The following TMEM117 variants were observed in gnomAD, a reference collection of about 807,000 sequenced individuals.
The protein encoded by TMEM117 is transmembrane protein 117.
A neutral mutation model predicts 52.4 loss-of-function variants in TMEM117; 27 were observed. The observed-to-expected ratio is 0.51, with a 90% CI of 0.38 to 0.71. The LOEUF is 0.71. Ranked by LOEUF, TMEM117 falls within the 30% of genes least tolerant of loss-of-function variation. The pLI is 0.00. For missense variants in TMEM117, 556 were observed against 630.5 expected, an observed-to-expected ratio of 0.88 and a Z score of 1.26; for synonymous variants, 215 against 206.3, an observed-to-expected ratio of 1.04 and a Z score of -0.36.
intron 1 of TMEM117, among the ~76,000 whole-genome samples, chr12:43,840,308 T>C (rs563876055): frequency 6.6e-6 from 1 of 152,350 alleles, no homozygotes; most frequent in African/African-American, 2.4e-5. Flanking sequence ...ATTTTCTTCA[T>C]TGGGTTGCTA....
At chr12:43,887,148 C>T (rs926223699) in intron 2 of TMEM117, among the ~76,000 whole-genome samples, 2 of 152,152 alleles carry the variant, frequency 1.3e-5, no homozygotes, top group South Asian at 2.1e-4. Context: ...CGTGCCTGGC[C>T]TGGGCCTCAC....
At chr12:43,956,295 G>A (rs555894710) in intron 3 of TMEM117, among the ~76,000 whole-genome samples, 130 of 152,050 alleles carry the variant, frequency 8.5e-4, no homozygotes, top group African/African-American at 2.9e-3. Context: ...GACAAATGGC[G>A]TCTAATTAAA....
intron 4 of TMEM117, among the ~76,000 whole-genome samples, chr12:44,201,622 A>G (rs1460681052): frequency 6.6e-6 from 1 of 152,198 alleles, no homozygotes; most frequent in East Asian, 1.9e-4. Context: ...AAATAATTTC[A>G]GGTTCAGTTT....
intron 5 of TMEM117, among the ~76,000 whole-genome samples, chr12:44,235,675 C>A (rs1949987294): frequency 6.6e-6 from 1 of 151,616 alleles, no homozygotes; most frequent in Non-Finnish European, 1.5e-5. Flanking sequence ...CATCCATTAA[C>A]TTGTCTCTGG....
At chr12:43,848,208 C>T (rs1384791757) in intron 2 of TMEM117, among the ~76,000 whole-genome samples, 1 of 152,124 alleles carries the variant, frequency 6.6e-6, no homozygotes, top group Non-Finnish European at 1.5e-5. Context: ...TTCAGCAGTG[C>T]ATGTATTGTC....
chr12:44,276,021 T>C (rs530499752), intron 5 of TMEM117, among the ~76,000 whole-genome samples: 1 of 152,324 alleles, frequency 6.6e-6, no homozygotes, highest in South Asian at 2.1e-4. Flanking sequence ...GTGATTATTA[T>C]GCATTGCATG....
chr12:44,386,772 T>C (rs1952093968), intron 7 of TMEM117, among the ~76,000 whole-genome samples: 1 of 152,070 alleles, frequency 6.6e-6, no homozygotes, highest in Non-Finnish European at 1.5e-5. Flanking sequence ...GCTAGTAATT[T>C]TGGAGCCAGG....
intron 2 of TMEM117, among the ~76,000 whole-genome samples, chr12:43,943,118 TG>T (rs1945071555): frequency 7.4e-6 from 1 of 135,352 alleles, no homozygotes; most frequent in African/African-American, 2.8e-5. Context: ...GCGGAAGTTG[TG>T]GTGAGCTGAG....
At chr12:44,272,976 G>A (rs1950465365) in intron 5 of TMEM117, among the ~76,000 whole-genome samples, 1 of 152,178 alleles carries the variant, frequency 6.6e-6, no homozygotes, top group Non-Finnish European at 1.5e-5. Context: ...CAACCCAAAT[G>A]TCCAACAATG....
the TMEM117 span, among the ~76,000 whole-genome samples, chr12:43,826,570 A>G: frequency 1.3e-5 from 2 of 152,222 alleles, no homozygotes; most frequent in African/African-American, 2.4e-5. Context: ...ATTGGAAGCT[A>G]TTTAACATAT....
At chr12:43,826,473 C>G in the TMEM117 span, among the ~76,000 whole-genome samples, 1 of 152,150 alleles carries the variant, frequency 6.6e-6, no homozygotes, top group Non-Finnish European at 1.5e-5. Context: ...CACAATGAGA[C>G]CACCCACCTA....
intron 5 of TMEM117, among the ~76,000 whole-genome samples, chr12:44,274,649 A>G (rs1417192868): frequency 6.6e-6 from 1 of 152,124 alleles, no homozygotes; most frequent in African/African-American, 2.4e-5. Flanking sequence ...AAACAAATTC[A>G]TACAGCTACA....
At chr12:44,363,132 C>A (rs1316574892) in intron 6 of TMEM117, among the ~76,000 whole-genome samples, 1 of 152,132 alleles carries the variant, frequency 6.6e-6, no homozygotes, top group Non-Finnish European at 1.5e-5. Flanking sequence ...ACTCATGGGA[C>A]TGGACAGACC....
intron 3 of TMEM117, among the ~76,000 whole-genome samples, chr12:43,995,181 G>C (rs1378951842): frequency 6.6e-6 from 1 of 152,096 alleles, no homozygotes; most frequent in South Asian, 2.1e-4. Flanking sequence ...TGAGGGAGGG[G>C]AATTGCTTGG....
chr12:44,138,153 G>A (rs761784438), intron 3 of TMEM117, among the ~76,000 whole-genome samples: 2 of 152,072 alleles, frequency 1.3e-5, no homozygotes, highest in Non-Finnish European at 2.9e-5. Context: ...CAGGACTTCT[G>A]CTTCTCCAGT....
chr12:43,816,966 A>C, the TMEM117 span, among the ~76,000 whole-genome samples: 1 of 152,250 alleles, frequency 6.6e-6, no homozygotes, highest in African/African-American at 2.4e-5. Flanking sequence ...ACTGTGAAAG[A>C]ATGCAGAAAT....
At chr12:44,224,224 G>A (rs7311036) in intron 5 of TMEM117, among the ~76,000 whole-genome samples, 15,737 of 151,994 alleles carry the variant, frequency 0.1, 908 homozygotes, top group Middle Eastern at 0.2. Flanking sequence ...TTGATTATAA[G>A]CCTTGATTCA....
At chr12:44,274,354 A>G (rs1950486128) in intron 5 of TMEM117, among the ~76,000 whole-genome samples, 1 of 152,174 alleles carries the variant, frequency 6.6e-6, no homozygotes, top group Admixed American at 6.6e-5. Flanking sequence ...TAGAAGGATC[A>G]ATATTGTTTA....
intron 6 of TMEM117, among the ~76,000 whole-genome samples, chr12:44,374,109 A>G (rs936073047): frequency 1.3e-5 from 2 of 152,062 alleles, no homozygotes; most frequent in Non-Finnish European, 2.9e-5. Flanking sequence ...TTAAATGAGC[A>G]CCACATGTTC....
Sources: gnomAD v4.1 joint callset for allele counts (sites outside exome capture counted in the v4.1 genomes callset) on GRCh38, gnomAD v4.1.1 for gene constraint, MANE v1.5 for transcripts, NCBI Gene and HGNC (gene_info 2026-07-23, HGNC 2026-07-21) for gene names.